WDR70: variants seen among roughly 807,000 people sequenced by gnomAD.
WDR70 encodes the protein WD repeat domain 70.
In WDR70, 53 loss-of-function variants were observed where a neutral mutation model predicts 88.6. That is an observed-to-expected ratio of 0.60 (90% CI 0.48 to 0.75). The LOEUF is 0.75. WDR70 is among the 30% of genes least tolerant of loss of function. The probability of loss-of-function intolerance (pLI) is 0.00; values close to 1 mark genes in which losing one functional copy is unlikely to be tolerated. For missense variants in WDR70, 610 were observed against 823.2 expected (o/e 0.74, Z 3.17); for synonymous variants, 280 against 270.0 (o/e 1.04, Z -0.36).
chr5:37,589,481 T>G (rs1312698593), intron 9 of WDR70, among the ~76,000 whole-genome samples: 1 of 152,196 alleles, frequency 6.6e-6, no homozygotes, highest in African/African-American at 2.4e-5. Flanking sequence ...TCACCTGCAG[T>G]GGTTGAGGAG....
At chr5:37,612,292 T>C (rs1229384129) in intron 10 of WDR70, among the ~76,000 whole-genome samples, 1 of 152,158 alleles carries the variant, frequency 6.6e-6, no homozygotes, top group East Asian at 1.9e-4. Flanking sequence ...AGAATATATA[T>C]GTATATATTG....
At chr5:37,733,023 T>C (rs1014042459) in intron 17 of WDR70, among the ~76,000 whole-genome samples, 1 of 152,104 alleles carries the variant, frequency 6.6e-6, no homozygotes, top group Non-Finnish European at 1.5e-5. Flanking sequence ...GTTATATTAA[T>C]TACTACAAAT....
rs1434281519 is a variant in WDR70, at chr5:37,709,254, C to T, written c.1416+6167C>T. 3.3e-5 allele frequency among the ~76,000 whole-genome samples: 5 copies of T among 152,156 alleles called. No homozygotes were observed. In the South Asian group the frequency reaches 1.0e-3, roughly 32 times the overall value. On this transcript the variant is annotated intron_variant, in intron 13 of 17. Transcript: ENST00000265107. Reference sequence around the variant, plus strand: ...TATCTGATTTTTATTATGGAGCAATCAGGCAGCTGGTTGACTAGGGAATAG... The same window carrying T: ...TATCTGATTTTTATTATGGAGCAATTAGGCAGCTGGTTGACTAGGGAATAG...
chr5:37,397,653 G>A (rs749573253), intron 5 of WDR70, among the ~76,000 whole-genome samples: 1 of 152,136 alleles, frequency 6.6e-6, no homozygotes, highest in East Asian at 1.9e-4. Flanking sequence ...AGGGATACCG[G>A]TTAACCTTAG....
intron 6 of WDR70, among the ~76,000 whole-genome samples, chr5:37,439,451 C>G (rs1489480820): frequency 2.0e-5 from 3 of 152,044 alleles, no homozygotes; most frequent in East Asian, 1.9e-4. Flanking sequence ...GTCATCTAGT[C>G]TGGAGAATTT....
At chr5:37,675,984 C>T (rs963252436) in intron 10 of WDR70, among the ~76,000 whole-genome samples, 27 of 151,082 alleles carry the variant, frequency 1.8e-4, no homozygotes, top group Admixed American at 4.6e-4. Flanking sequence ...GTATTTTATT[C>T]TCTTTGAAGC....
At chr5:37,489,724 C>T (rs1344367148) in intron 8 of WDR70, among the ~76,000 whole-genome samples, 1 of 151,472 alleles carries the variant, frequency 6.6e-6, no homozygotes, top group South Asian at 2.1e-4. Context: ...TGGTAGGGCA[C>T]TTGGTTGGGG....
chr5:37,683,260 G>A (rs949411101), intron 10 of WDR70, among the ~76,000 whole-genome samples: 1 of 152,112 alleles, frequency 6.6e-6, no homozygotes, highest in Non-Finnish European at 1.5e-5. Flanking sequence ...CATACGATTT[G>A]GTCTTGGTTC....
intron 6 of WDR70, 30 bp downstream of exon 6, chr5:37,438,011 C>G: frequency 6.3e-7 from 1 of 1,582,392 alleles, no homozygotes; most frequent in Non-Finnish European, 8.6e-7. Context: ...TTTTTCCTCT[C>G]TCAAATTACA....
intron 10 of WDR70, among the ~76,000 whole-genome samples, chr5:37,678,618 C>A (rs1453803823): frequency 6.7e-6 from 1 of 148,552 alleles, no homozygotes; most frequent in Non-Finnish European, 1.5e-5. Context: ...GTCTGATGGG[C>A]TTCCCTTTGT....
At chr5:37,745,754 T>A (rs1482961289) in intron 17 of WDR70, among the ~76,000 whole-genome samples, 1 of 152,132 alleles carries the variant, frequency 6.6e-6, no homozygotes, top group African/African-American at 2.4e-5. Flanking sequence ...ATGTATCCAA[T>A]ACAGGAGCAC....
intron 9 of WDR70, among the ~76,000 whole-genome samples, chr5:37,582,498 T>G (rs1265744570): frequency 1.3e-5 from 2 of 152,236 alleles, no homozygotes; most frequent in African/African-American, 2.4e-5. Flanking sequence ...CAGTTATCTT[T>G]TAGATGTTAA....
At chr5:37,627,023 G>A (rs1401995582) in intron 10 of WDR70, among the ~76,000 whole-genome samples, 2 of 151,556 alleles carry the variant, frequency 1.3e-5, no homozygotes, top group African/African-American at 4.9e-5. Context: ...TTTTTTCTGA[G>A]TTTCACTAAC....
intron 5 of WDR70, among the ~76,000 whole-genome samples, chr5:37,415,797 G>T (rs1247745381): frequency 3.3e-5 from 5 of 149,828 alleles, no homozygotes; most frequent in African/African-American, 1.2e-4. Flanking sequence ...TCTCAGACGG[G>T]GCGGCCGGGC....
At chr5:37,546,967 G>A (rs1158750418) in intron 9 of WDR70, among the ~76,000 whole-genome samples, 2 of 151,994 alleles carry the variant, frequency 1.3e-5, no homozygotes, top group Non-Finnish European at 2.9e-5. Flanking sequence ...GAATGTAGAA[G>A]TCTCCAAAGA....
chr5:37,554,876 A>G (rs1188441404), intron 9 of WDR70, among the ~76,000 whole-genome samples: 1 of 152,048 alleles, frequency 6.6e-6, no homozygotes, highest in Non-Finnish European at 1.5e-5. Flanking sequence ...TTAGTTACAG[A>G]TTTTTACAGG....
intron 7 of WDR70, among the ~76,000 whole-genome samples, chr5:37,453,166 C>T (rs546431356): frequency 8.5e-5 from 13 of 152,062 alleles, no homozygotes; most frequent in South Asian, 4.2e-4. Context: ...TCTTTCTTGC[C>T]GAGACCAGCT....
intron 10 of WDR70, among the ~76,000 whole-genome samples, chr5:37,678,168 G>A (rs1432596185): frequency 6.6e-6 from 1 of 152,070 alleles, no homozygotes; most frequent in Non-Finnish European, 1.5e-5. Context: ...ACACTGATGG[G>A]TCTTGACTCT....
chr5:37,659,575 A>C (rs1358475350), intron 10 of WDR70, among the ~76,000 whole-genome samples: 1 of 152,204 alleles, frequency 6.6e-6, no homozygotes, highest in Non-Finnish European at 1.5e-5. Context: ...GTCTTAGCTC[A>C]GGCTGCCATA....
Sources: allele counts gnomAD v4.1 joint callset (sites outside exome capture counted in the v4.1 genomes callset), GRCh38; gene constraint gnomAD v4.1.1; transcripts MANE v1.5; gene names NCBI Gene and HGNC (gene_info 2026-07-23, HGNC 2026-07-21).